Variants in ZNF185 observed in about 807,000 individuals in gnomAD.
ZNF185 encodes the protein zinc finger protein 185.
ZNF185 carries 56 observed loss-of-function variants against 58.6 expected under a neutral mutation model. That is an observed-to-expected ratio of 0.95 (90% CI 0.77 to 1.19). ZNF185 has a LOEUF of 1.19. Among genes scored for constraint, ZNF185 ranks in the 50% most tolerant of loss-of-function variants. The pLI is 0.00. For missense variants in ZNF185, 627 were observed against 573.5 expected (o/e 1.09, Z -0.95); for synonymous variants, 230 against 215.9 (o/e 1.07, Z -0.57).
At chrX:152,907,450 A>G in the ZNF185 span, among the ~76,000 whole-genome samples, 1 of 113,305 alleles carries the variant, frequency 8.8e-6, no homozygotes, top group Non-Finnish European at 1.9e-5. Context: ...TAGAGCAGGA[A>G]CATGCCCATG....
chrX:152,945,758 C>G (rs1343000223), intron 16 of ZNF185, among the ~76,000 whole-genome samples: 3 of 111,800 alleles, frequency 2.7e-5, no homozygotes, highest in African/African-American at 9.8e-5. Flanking sequence ...GGCTGTCTCT[C>G]AGAGTACAGG....
At chrX:152,946,217 CAT>C (rs781850633) in intron 16 of ZNF185, among the ~76,000 whole-genome samples, 2 of 112,226 alleles carry the variant, frequency 1.8e-5, no homozygotes, top group East Asian at 5.6e-4. Context: ...AGCTAAGACT[CAT>C]ATTGCCCCGA....
intron 11 of ZNF185, among the ~76,000 whole-genome samples, chrX:152,923,338 C>T (rs994369391): frequency 8.9e-6 from 1 of 112,035 alleles, no homozygotes; most frequent in South Asian, 3.7e-4. Context: ...GTTACTTCCT[C>T]AGTCTGGGAG....
chrX:152,915,319 AG>A, intron 3 of ZNF185, 116 bp downstream of exon 4: 1 of 744,340 alleles, frequency 1.3e-6, no homozygotes, highest in Non-Finnish European at 1.9e-6. Flanking sequence ...ATGCAGCCCC[AG>A]CCAAGGGTCT....
chrX:152,958,575 G>A (rs1298739978), intron 16 of ZNF185, among the ~76,000 whole-genome samples: 2 of 110,369 alleles, frequency 1.8e-5, no homozygotes, highest in Non-Finnish European at 3.8e-5. Context: ...GGCCAACAAG[G>A]TGAAGCCCCG....
intron 12 of ZNF185, among the ~76,000 whole-genome samples, chrX:152,930,953 T>C (rs1941842798): frequency 9.0e-6 from 1 of 111,651 alleles, no homozygotes; most frequent in Non-Finnish European, 1.9e-5. Flanking sequence ...AGAACTCAAA[T>C]CCCAGCTACT....
At chrX:152,931,924 G>C (rs1461267979) in intron 13 of ZNF185, 148 bp downstream of exon 14, 3 of 401,243 alleles carry the variant, frequency 7.5e-6, no homozygotes, top group Non-Finnish European at 1.3e-5. Flanking sequence ...CCCAGTACCT[G>C]GGGTACTGCA....
chrX:152,947,210 A>G (rs1569511165), intron 16 of ZNF185, among the ~76,000 whole-genome samples: 1 of 110,829 alleles, frequency 9.0e-6, no homozygotes, highest in Non-Finnish European at 1.9e-5. Flanking sequence ...GCAAGACCCC[A>G]TTTCTACAAA....
intron 16 of ZNF185, among the ~76,000 whole-genome samples, chrX:152,958,245 CAA>C (rs2049054643): frequency 1.8e-5 from 2 of 111,317 alleles, no homozygotes; most frequent in Non-Finnish European, 3.8e-5. Flanking sequence ...GAAAAGGTGA[CAA>C]GAGTGAGCGT....
intron 16 of ZNF185, among the ~76,000 whole-genome samples, chrX:152,945,679 T>C (rs782576950): frequency 8.1e-5 from 9 of 111,243 alleles, no homozygotes; most frequent in African/African-American, 2.9e-4. Flanking sequence ...GGGACTGTGA[T>C]AGGAGGATGT....
At chrX:152,938,696 C>G (rs144772535) in intron 15 of ZNF185, among the ~76,000 whole-genome samples, 1,480 of 110,825 alleles carry the variant, frequency 0.013, 27 homozygotes, top group African/African-American at 0.047. Context: ...GTGCACAGCC[C>G]TCTACTCACA....
Position 152,945,310 on chromosome X carries a change from G to A in ZNF185, c.1255G>A (p.Gly419Arg), listed in dbSNP as rs781800037. The A allele has an allele frequency of 1.1e-5, 13 of 1,207,902 alleles. No individual in the cohort carries two copies. Among genetic ancestry groups the A allele is most frequent in the Middle Eastern group, 2.3e-4 (1 of 4,342 alleles). ...GGGGAAGGATGTGGCCACCAGGGTC[G>A]GAGAGGCCTGGCAGGAGAGGCCTGG... is the stretch of plus-strand genomic sequence containing the variant. Residue 419 changes from glycine to arginine, a missense_variant, in exon 16 of 23, where the codon GGA (glycine) becomes AGA (arginine). Coordinates refer to ENST00000449285, the Ensembl canonical transcript of ZNF185.
intron 20 of ZNF185, among the ~76,000 whole-genome samples, chrX:152,968,537 C>T (rs2050348626): frequency 8.9e-6 from 1 of 112,623 alleles, no homozygotes; most frequent in Admixed American, 9.3e-5. Context: ...AGCAGGGCTG[C>T]GCTGAGGGCA....
chrX:152,954,969 A>AG (rs782234164), intron 16 of ZNF185, among the ~76,000 whole-genome samples: 4 of 110,497 alleles, frequency 3.6e-5, no homozygotes, highest in Non-Finnish European at 7.6e-5. Flanking sequence ...AAAAAGGTGG[A>AG]GGGGGGGAAA....
In ZNF185 at chrX:152,937,061, CTGTGGGTGTGT is replaced by C. The variant is rs2046387914; in HGVS notation, c.1122-1012_1122-1002del. ...TCCACCAGTGGGCATGGCCACTTTG[CTGTGGGTGTGT>C]GGAGCATTTGGCAAGTCCTAGTAAG... On this transcript the variant is annotated intron_variant, in intron 14 of 22. Transcript: ENST00000449285. 1.8e-5 allele frequency among the ~76,000 whole-genome samples: 2 copies of C among 111,834 alleles called. 1 individual carries two copies. Among genetic ancestry groups the C allele is most frequent in the Admixed American group, 1.9e-4 (2 of 10,591 alleles).
intron 19 of ZNF185, 130 bp from the exon 22 acceptor site, chrX:152,967,037 C>A: frequency 1.7e-6 from 1 of 605,371 alleles, no homozygotes; most frequent in Non-Finnish European, 2.6e-6. Flanking sequence ...CCCTGTGGCA[C>A]CAAGTCATGA....
exon 5 of ZNF185, chrX:152,917,305 T>A (rs1556866540): frequency 6.6e-6 from 8 of 1,211,506 alleles, no homozygotes; most frequent in Non-Finnish European, 7.8e-6. Flanking sequence ...ACCAAGCCCA[T>A]AGACAGCTCT....
the ZNF185 span, among the ~76,000 whole-genome samples, chrX:152,906,017 C>T: frequency 1.8e-5 from 2 of 112,441 alleles, no homozygotes; most frequent in African/African-American, 6.5e-5. Flanking sequence ...GCTGGGGTCA[C>T]CCTTGCACAT....
upstream of ZNF185, among the ~76,000 whole-genome samples, chrX:152,913,953 C>T (rs1937786904): frequency 9.0e-6 from 1 of 111,093 alleles, no homozygotes; most frequent in African/African-American, 3.3e-5. Context: ...TGTCAGAAAA[C>T]TCCTAAGGGG....
Sources: allele counts gnomAD v4.1 joint callset (sites outside exome capture counted in the v4.1 genomes callset), GRCh38; gene constraint gnomAD v4.1.1; transcripts MANE v1.5; gene names NCBI Gene and HGNC (gene_info 2026-07-23, HGNC 2026-07-21).